Variants in SARDH observed in about 807,000 individuals in gnomAD.
SARDH encodes sarcosine dehydrogenase, mitochondrial.
SARDH carries 95 observed loss-of-function variants against 109.1 expected under a neutral mutation model. That is an observed-to-expected ratio of 0.87 (90% CI 0.74 to 1.03). The LOEUF (loss-of-function observed/expected upper bound fraction) is 1.03. Among genes scored for constraint, SARDH ranks in the 50% least tolerant of loss-of-function variants. The pLI is 0.00. For synonymous variants in SARDH, 572 were observed against 534.8 expected (o/e 1.07, Z -0.96); for missense variants, 1,267 against 1,287.8 (o/e 0.98, Z 0.25).
chr9:133,663,212 T>C (rs935167514), downstream of SARDH, among the ~76,000 whole-genome samples: 1 of 152,170 alleles, frequency 6.6e-6, no homozygotes, highest in African/African-American at 2.4e-5. Flanking sequence ...GGCACTTCTG[T>C]GTGGGTGAGG....
chr9:133,684,194 T>C (rs1237697174), intron 17 of SARDH, among the ~76,000 whole-genome samples: 2 of 152,196 alleles, frequency 1.3e-5, no homozygotes, highest in Admixed American at 6.5e-5. Flanking sequence ...CTGAACACAC[T>C]TGTGGCTGTC....
Position 133,694,319 on chromosome 9 carries a change from G to T in SARDH, c.1860C>A (p.Asp620Glu). Residue 620 changes from aspartate to glutamate, a missense_variant, in exon 15 of 21, where the codon GAC becomes GAA. Coordinates refer to ENST00000439388, the MANE Select transcript of SARDH (RefSeq NM_001134707.2). ...MLNHRGGTES[D>E]LTVSRLAPSH... is the part of the protein sequence containing the mutation. ...TGGGTGCCAGGCGGCTGACAGTCAG[G>T]TCACTCTCGGTGCCCCCACGGTGGT... 1 of 1,550,704 alleles carries T rather than the reference G, an allele frequency of 6.4e-7. No individual in the cohort carries two copies. Among genetic ancestry groups the T allele is most frequent in the Non-Finnish European group, 8.7e-7 (1 of 1,146,960 alleles).
At chr9:133,660,539 G>A (rs957482352), downstream of SARDH, among the ~76,000 whole-genome samples, 5 of 152,196 alleles carry the variant, frequency 3.3e-5, no homozygotes, top group African/African-American at 4.8e-5. Flanking sequence ...CTCTGGGCTC[G>A]CCCACCTTCC....
chr9:133,710,647 C>G (rs555585582), intron 10 of SARDH, among the ~76,000 whole-genome samples: 1 of 152,276 alleles, frequency 6.6e-6, no homozygotes, highest in Non-Finnish European at 1.5e-5. Context: ...CAACGACTTT[C>G]TCAGGCACCT....
intron 16 of SARDH, among the ~76,000 whole-genome samples, chr9:133,685,876 C>T (rs2519120): frequency 0.44 from 67,525 of 152,054 alleles, 16,298 homozygotes; most frequent in African/African-American, 0.65. Flanking sequence ...CACCACCCCG[C>T]TCTGTTCCCT....
chr9:133,675,938 T>G (rs937219971), intron 17 of SARDH, among the ~76,000 whole-genome samples: 6 of 151,952 alleles, frequency 3.9e-5, no homozygotes, highest in African/African-American at 1.5e-4. Flanking sequence ...AAAAAAAATT[T>G]TAGAATTAGC....
chr9:133,736,042 A>C (rs1220581981), intron 1 of SARDH, among the ~76,000 whole-genome samples: 1 of 87,466 alleles, frequency 1.1e-5, no homozygotes, highest in East Asian at 2.8e-4. Flanking sequence ...CTCCGTCTCA[A>C]AAAAAAAAAA....
downstream of SARDH, among the ~76,000 whole-genome samples, chr9:133,662,408 C>T (rs772070718): frequency 6.6e-6 from 1 of 152,034 alleles, no homozygotes; most frequent in Non-Finnish European, 1.5e-5. The surrounding 1 kb of genome is among the most constrained non-coding windows in gnomAD (Gnocchi z 5.1). Context: ...TCTGGGGAGC[C>T]GGCTCCCCTC....
In SARDH at chr9:133,692,363, C is replaced by G. The variant is rs910020769; in HGVS notation, c.1922-1836G>C. Among the ~76,000 whole-genome samples, 4 of 152,172 alleles carry G rather than the reference C, an allele frequency of 2.6e-5. No homozygotes were observed. Among genetic ancestry groups the G allele is most frequent in the Admixed American group, 2.6e-4 (4 of 15,290 alleles). On this transcript the variant is annotated intron_variant, in intron 15 of 20. Transcript: ENST00000439388. This position sits in a 1 kb window ranked among gnomAD's most constrained non-coding sequence, Gnocchi z 5.0. ...GGGCTGTGCCTGGGCCGCCCCTCTA[C>G]TGGGGGCTGATGCCTAGCTCCTTAC... is the stretch of plus-strand genomic sequence containing the variant.
chr9:133,725,375 C>A, intron 6 of SARDH: 1 of 265,850 alleles, frequency 3.8e-6, no homozygotes, highest in Admixed American at 5.1e-5. Context: ...CAGGTATTAA[C>A]AATGTTTACA....
chr9:133,660,532 T>C (rs129920), downstream of SARDH, among the ~76,000 whole-genome samples: 442 of 152,352 alleles, frequency 2.9e-3, 2 homozygotes, highest in African/African-American at 0.01. Flanking sequence ...AAAGGGACTC[T>C]GGGCTCGCCC....
In SARDH at chr9:133,708,418, G is replaced by A; in HGVS notation, c.1339C>T (p.His447Tyr). ...MHGYDIRRFH[H>Y]SLTDHPRWIR... is the part of the protein sequence containing the mutation. Reference sequence around the variant, plus strand: ...CAGCGGGGGTGGTCCGTGAGCGAGTGATGGAAGCGCCTGCCGCAGACAGGG... The same window carrying A: ...CAGCGGGGGTGGTCCGTGAGCGAGTAATGGAAGCGCCTGCCGCAGACAGGG... Residue 447 changes from histidine (H) to tyrosine (Y), a missense_variant, in exon 11 of 21, where the codon CAC becomes TAC. Coordinates refer to ENST00000439388, the MANE Select transcript of SARDH (RefSeq NM_001134707.2). 1 of 1,610,262 alleles carries A rather than the reference G, an allele frequency of 6.2e-7. No individual in the cohort carries two copies. Among genetic ancestry groups the A allele is most frequent in the Non-Finnish European group, 8.5e-7 (1 of 1,178,798 alleles).
intron 19 of SARDH, among the ~76,000 whole-genome samples, chr9:133,668,280 T>TCACC (rs1830146016): frequency 3.6e-4 from 12 of 33,612 alleles, no homozygotes; most frequent in African/African-American, 1.1e-3. Context: ...TCACCGTCCC[T>TCACC]CTCCCTCCCT....
chr9:133,706,277 T>C (rs1182966656), intron 11 of SARDH, among the ~76,000 whole-genome samples: 1 of 152,146 alleles, frequency 6.6e-6, no homozygotes, highest in African/African-American at 2.4e-5. Context: ...TATTCAGCCA[T>C]AAAAAGCAAC....
chr9:133,709,272 T>C lies in SARDH; in HGVS notation c.1329-844A>G, dbSNP rs1234659854. 6.6e-6 allele frequency among the ~76,000 whole-genome samples: 1 copy of C among 152,168 alleles called. No individual in the cohort carries two copies. The highest frequency in any genetic ancestry group is 1.5e-5 in the Non-Finnish European group (1 of 68,028). On this transcript the variant is annotated intron_variant, in intron 10 of 20. Coordinates refer to ENST00000439388, the MANE Select transcript of SARDH (RefSeq NM_001134707.2). The surrounding 1 kb of genome is among the most constrained non-coding windows in gnomAD (Gnocchi z 4.2). The stretch of plus-strand genomic sequence containing the variant: ...CTGCACCTGCGGCCTAGGCCTCTGC[T>C]GCCCCTGAGTGGGCAGAGCAATCAG...
At chr9:133,690,741 C>T (rs894240458) in intron 15 of SARDH, among the ~76,000 whole-genome samples, 2 of 152,090 alleles carry the variant, frequency 1.3e-5, no homozygotes, top group African/African-American at 4.8e-5. Context: ...AGGAGAAGGA[C>T]CTGCTTCTCA....
chr9:133,729,683 C>A, intron 6 of SARDH, 82 bp downstream of exon 6: 1 of 1,264,884 alleles, frequency 7.9e-7, no homozygotes, highest in Non-Finnish European at 1.1e-6. Flanking sequence ...AAGGGTCACA[C>A]CACCTGGGTT....
At chr9:133,732,725 G>T in intron 2 of SARDH, 124 bp from the exon 3 acceptor site, 2 of 1,102,378 alleles carry the variant, frequency 1.8e-6, no homozygotes, top group East Asian at 2.6e-5. Context: ...GTCTTTCTCT[G>T]CAGGACCTGG....
At chr9:133,683,038 C>G (rs113064495) in intron 17 of SARDH, among the ~76,000 whole-genome samples, 6,302 of 152,318 alleles carry the variant, frequency 0.041, 351 homozygotes, top group African/African-American at 0.12. Flanking sequence ...CTGCACCCCC[C>G]ACGCTGTGTT....
Sources: allele counts gnomAD v4.1 joint callset (sites outside exome capture counted in the v4.1 genomes callset), GRCh38; gene constraint gnomAD v4.1.1; non-coding constraint Gnocchi (gnomAD v3.1); transcripts MANE v1.5; gene names NCBI Gene and HGNC (gene_info 2026-07-23, HGNC 2026-07-21).